The following PRKCH variants were observed in gnomAD, a reference collection of about 807,000 sequenced individuals.
PRKCH encodes the protein protein kinase C eta.
In PRKCH, 28 loss-of-function variants were observed where a neutral mutation model predicts 82.5. The ratio of observed to expected loss-of-function variants is 0.34; its 90% confidence interval spans 0.25 to 0.47. The LOEUF (loss-of-function observed/expected upper bound fraction) is 0.47. PRKCH is among the 20% of genes least tolerant of loss of function. PRKCH has a pLI of 1.00. For missense variants in PRKCH, 705 were observed against 881.8 expected (o/e 0.80, Z 2.54); for synonymous variants, 322 against 327.4 (o/e 0.98, Z 0.18).
At chr14:61,502,087 G>C (rs573070064) in intron 10 of PRKCH, among the ~76,000 whole-genome samples, 5 of 129,856 alleles carry the variant, frequency 3.9e-5, no homozygotes, top group Admixed American at 3.2e-4. Context: ...TTTTTTCCGA[G>C]ATGGAGTCTC....
At chr14:61,467,270 A>G (rs1370864939) in intron 9 of PRKCH, among the ~76,000 whole-genome samples, 4 of 152,178 alleles carry the variant, frequency 2.6e-5, no homozygotes, top group Non-Finnish European at 4.4e-5. Context: ...ATTTTGAGAT[A>G]AGCCTCTCCA....
At chr14:61,269,400 C>T (rs2045132268) in intron 1 of PRKCH, among the ~76,000 whole-genome samples, 2 of 152,076 alleles carry the variant, frequency 1.3e-5, no homozygotes, top group South Asian at 4.1e-4. Flanking sequence ...GGTACACGTG[C>T]AGGTTTGTTA....
chr14:61,449,838 A>G (rs1362608297), intron 5 of PRKCH, among the ~76,000 whole-genome samples: 1 of 151,104 alleles, frequency 6.6e-6, no homozygotes, highest in African/African-American at 2.4e-5. Context: ...CAGCCTCTTA[A>G]GAAATTTCAG....
At chr14:61,445,202 A>G (rs1477605052) in intron 3 of PRKCH, among the ~76,000 whole-genome samples, 2 of 152,266 alleles carry the variant, frequency 1.3e-5, no homozygotes, top group Non-Finnish European at 2.9e-5. Flanking sequence ...ATATTGTGGC[A>G]GCAACTCTGC....
intron 1 of PRKCH, among the ~76,000 whole-genome samples, chr14:61,257,633 C>CA (rs2045010248): frequency 3.2e-5 from 2 of 62,722 alleles, no homozygotes; most frequent in Non-Finnish European, 3.7e-5. Flanking sequence ...ACACACACCC[C>CA]CACACACACA....
chr14:61,234,782 G>A (rs868825), intron 1 of PRKCH, among the ~76,000 whole-genome samples: 33,233 of 152,166 alleles, frequency 0.22, 3,990 homozygotes, highest in African/African-American at 0.31. Flanking sequence ...TCCAGAGTCA[G>A]TATCTATTTC....
At chr14:61,233,083 T>C (rs373381581) in intron 1 of PRKCH, among the ~76,000 whole-genome samples, 1 of 152,270 alleles carries the variant, frequency 6.6e-6, no homozygotes, top group Non-Finnish European at 1.5e-5. Flanking sequence ...CCAATTCAAT[T>C]ATTAACAGTT....
At chr14:61,441,234 T>A (rs1023686072) in intron 2 of PRKCH, among the ~76,000 whole-genome samples, 1 of 152,194 alleles carries the variant, frequency 6.6e-6, no homozygotes. Flanking sequence ...GCGATGTGCC[T>A]AGCTTTGTGC....
In PRKCH at chr14:61,418,147, A is replaced by G. The variant is rs1410693173; in HGVS notation, c.428-24964A>G. Among the ~76,000 whole-genome samples the G allele has an allele frequency of 2.0e-5, 3 of 152,350 alleles. No homozygotes were observed. The East Asian group carries it at 5.8e-4, about 29-fold the overall frequency. Reference sequence around the variant, plus strand: ...GTGAGTTCTGCGCTTACATTCACACACTGCAAACTGCACGTACGATGTAAG... The same window carrying G: ...GTGAGTTCTGCGCTTACATTCACACGCTGCAAACTGCACGTACGATGTAAG... On this transcript the variant is annotated intron_variant, in intron 2 of 13. Transcript: ENST00000332981.
intron 1 of PRKCH, among the ~76,000 whole-genome samples, chr14:61,284,362 G>T (rs1327004295): frequency 6.6e-6 from 1 of 152,182 alleles, no homozygotes; most frequent in Non-Finnish European, 1.5e-5. Flanking sequence ...GAAAGGCGAA[G>T]AAAATGAAAC....
intron 13 of PRKCH, among the ~76,000 whole-genome samples, chr14:61,549,039 C>G (rs2043295002): frequency 6.6e-6 from 1 of 152,140 alleles, no homozygotes; most frequent in Non-Finnish European, 1.5e-5. Flanking sequence ...CTGTTGGACA[C>G]CAGGCACCCA....
intron 1 of PRKCH, among the ~76,000 whole-genome samples, chr14:61,363,814 A>G (rs756395518): frequency 6.6e-6 from 1 of 151,726 alleles, no homozygotes; most frequent in Non-Finnish European, 1.5e-5. Context: ...TGGAGGGAAG[A>G]GGAAATTTCT....
intron 3 of PRKCH, among the ~76,000 whole-genome samples, chr14:61,443,965 G>T (rs1884094187): frequency 6.6e-6 from 1 of 152,214 alleles, no homozygotes; most frequent in African/African-American, 2.4e-5. Flanking sequence ...ATCTCAGAAG[G>T]AGAAAACACA....
At chr14:61,223,978 A>G (rs758928136) in intron 1 of PRKCH, among the ~76,000 whole-genome samples, 4 of 152,186 alleles carry the variant, frequency 2.6e-5, no homozygotes, top group Non-Finnish European at 4.4e-5. Flanking sequence ...GCTCTCATTC[A>G]ACATGTCCAA....
At chr14:61,414,326 G>A (rs572436777) in intron 2 of PRKCH, among the ~76,000 whole-genome samples, 13 of 150,084 alleles carry the variant, frequency 8.7e-5, no homozygotes, top group Non-Finnish European at 1.8e-4. Flanking sequence ...AGGCTGGAGT[G>A]TAGTGGTGTG....
At chr14:61,439,976 A>G (rs1883880400) in intron 2 of PRKCH, among the ~76,000 whole-genome samples, 1 of 152,226 alleles carries the variant, frequency 6.6e-6, no homozygotes, top group South Asian at 2.1e-4. Context: ...TCTTTGTAGT[A>G]TTAAGGGATT....
intron 1 of PRKCH, among the ~76,000 whole-genome samples, chr14:61,197,066 C>T (rs2044446845): frequency 6.6e-6 from 1 of 152,180 alleles, no homozygotes; most frequent in South Asian, 2.1e-4. Flanking sequence ...TCACTTCTGA[C>T]TTTCATGATA....
At position 61,439,732 on chromosome 14, in the gene PRKCH, G is replaced by C. The variant is rs983022643; in HGVS notation, c.428-3379G>C. 3.7e-4 allele frequency among the ~76,000 whole-genome samples: 57 copies of C among 152,250 alleles called. 1 individual carries two copies. The highest frequency in any genetic ancestry group is 3.3e-3 in the Admixed American group (50 of 15,292). On this transcript the variant is annotated intron_variant, in intron 2 of 13. Transcript: ENST00000332981. ...TTTGCTCAGGCTCTGAGGCAGGTAG[G>C]TTAAGGCTAATTTAACTCTTAATGG... is the stretch of plus-strand genomic sequence containing the variant.
intron 10 of PRKCH, among the ~76,000 whole-genome samples, chr14:61,486,595 G>GTT (rs149293519): frequency 6.7e-6 from 1 of 150,134 alleles, no homozygotes; most frequent in African/African-American, 2.5e-5. Context: ...ACATTTTCCT[G>GTT]TTTTTTTTTC....
Sources: gnomAD v4.1 joint callset for allele counts (sites outside exome capture counted in the v4.1 genomes callset) on GRCh38, gnomAD v4.1.1 for gene constraint, MANE v1.5 for transcripts, NCBI Gene and HGNC (gene_info 2026-07-23, HGNC 2026-07-21) for gene names.